Variants in TPP2 observed in about 807,000 individuals in gnomAD.
TPP2 encodes tripeptidyl peptidase 2, also known as tripeptidyl-peptidase 2.
Under a neutral mutation model 155.9 loss-of-function variants are expected in TPP2, and 34 were observed. The observed-to-expected ratio is 0.22, with a 90% CI of 0.17 to 0.29. The LOEUF (loss-of-function observed/expected upper bound fraction) is 0.29, where lower values mean the gene tolerates loss of function less well. Ranked by LOEUF, TPP2 falls within the 10% of genes least tolerant of loss-of-function variation. TPP2 has a pLI of 1.00. For synonymous variants in TPP2, 510 were observed against 529.4 expected (o/e 0.96, Z 0.50); for missense variants, 1,028 against 1,522.3 (o/e 0.68, Z 5.40).
rs117829727 is a variant in TPP2 at position 102,647,657 on chromosome 13, A to G, written c.2628+313A>G. Among the ~76,000 whole-genome samples, 11 of 152,252 alleles carry G rather than the reference A, an allele frequency of 7.2e-5. No individual in the cohort carries two copies. The East Asian group carries it at 2.1e-3, about 29-fold the overall frequency. ...CTGATTCTACCTATCTGAAGGTAGAATCATCAAAGCATGCATCAAAGAGAT... is the reference window on the plus strand; with the variant it reads ...CTGATTCTACCTATCTGAAGGTAGAGTCATCAAAGCATGCATCAAAGAGAT... On this transcript the variant is annotated intron_variant, in intron 21 of 29. Transcript: ENST00000376052.
intron 13 of TPP2, 63 bp downstream of exon 13, chr13:102,636,455 TA>T: frequency 1.3e-6 from 2 of 1,530,108 alleles, no homozygotes. Flanking sequence ...AGTGGTATCA[TA>T]ATAAAGAATT....
chr13:102,617,960 T>A (rs1435360313), intron 4 of TPP2, among the ~76,000 whole-genome samples: 1 of 152,200 alleles, frequency 6.6e-6, no homozygotes, highest in Admixed American at 6.5e-5. Context: ...TATAGTAACA[T>A]AGTCTAGAGA....
At chr13:102,613,542 A>C (rs1228346702) in intron 2 of TPP2, among the ~76,000 whole-genome samples, 2 of 152,236 alleles carry the variant, frequency 1.3e-5, no homozygotes, top group Admixed American at 1.3e-4. Context: ...CAGATGAAGT[A>C]GAAGCCTGTG....
chr13:102,598,002 C>T (rs1339918918), intron 1 of TPP2, among the ~76,000 whole-genome samples: 1 of 151,726 alleles, frequency 6.6e-6, no homozygotes, highest in Non-Finnish European at 1.5e-5. Context: ...AACCTGAAAA[C>T]ATACGACGGT....
intron 20 of TPP2, among the ~76,000 whole-genome samples, 154 bp from the exon 21 acceptor site, chr13:102,647,053 A>G (rs1883155711): frequency 6.6e-6 from 1 of 152,236 alleles, no homozygotes; most frequent in Non-Finnish European, 1.5e-5. Context: ...TATAAGTGCT[A>G]AAATACTGTG....
chr13:102,597,286 G>T, intron 1 of TPP2, 83 bp downstream of exon 1: 1 of 802,048 alleles, frequency 1.2e-6, no homozygotes, highest in Non-Finnish European at 1.7e-6. Flanking sequence ...AGCCCGGCAG[G>T]CCAAAGCCCC....
At chr13:102,674,542 CCT>C in intron 28 of TPP2, 52 bp downstream of exon 28, 1 of 1,572,196 alleles carries the variant, frequency 6.4e-7, no homozygotes, top group Non-Finnish European at 8.7e-7. Flanking sequence ...ACCTCACAGA[CCT>C]CTCTTGTGCC....
At chr13:102,610,797 CATACATAAA>C (rs771075858) in intron 2 of TPP2, among the ~76,000 whole-genome samples, 9 of 152,022 alleles carry the variant, frequency 5.9e-5, no homozygotes, top group East Asian at 1.9e-4. Flanking sequence ...GCAAAATATA[CATACATAAA>C]ATACATAAAA....
intron 2 of TPP2, 26 bp downstream of exon 2, chr13:102,604,947 ATT>A (rs111644256): frequency 1.3e-4 from 172 of 1,322,284 alleles, no homozygotes; most frequent in Admixed American, 9.3e-4. Context: ...TTCTTTTTGA[ATT>A]TTTTTTTTTT....
At chr13:102,677,251 T>C (rs1004504531) in intron 29 of TPP2, among the ~76,000 whole-genome samples, 2 of 152,178 alleles carry the variant, frequency 1.3e-5, no homozygotes, top group South Asian at 2.1e-4. Flanking sequence ...GGTGTTGATA[T>C]GTCTAATGTG....
intron 2 of TPP2, chr13:102,608,022 A>T (rs1418176894): frequency 1.3e-5 from 2 of 152,490 alleles, no homozygotes; most frequent in Admixed American, 6.5e-5. Flanking sequence ...CAAAAAAATT[A>T]TAAGGTTTGT....
At position 102,657,207 on chromosome 13, in the gene TPP2, AG is replaced by A; in HGVS notation, c.3143+1del. On this transcript the variant is annotated splice_donor_variant, in intron 25 of 29. Coordinates refer to ENST00000376052, the MANE Select transcript of TPP2 (RefSeq NM_001330588.2). LOFTEE classifies it high-confidence loss of function. ...GATCTTAAAATTCAGTGGATGACAA[AG>A]TAGGTTTTTAAATGTATTTTAATTC... The A allele has an allele frequency of 6.4e-7, 1 of 1,567,328 alleles. No homozygotes were observed. Among genetic ancestry groups the A allele is most frequent in the Non-Finnish European group, 8.6e-7 (1 of 1,166,560 alleles).
At chr13:102,660,788 G>C (rs547204872) in intron 25 of TPP2, among the ~76,000 whole-genome samples, 35 of 152,306 alleles carry the variant, frequency 2.3e-4, no homozygotes, top group African/African-American at 8.2e-4. Flanking sequence ...GACATATATA[G>C]ATCAGTGGAA....
At chr13:102,629,374 G>A in intron 8 of TPP2, 108 bp from the exon 9 acceptor site, 1 of 1,287,292 alleles carries the variant, frequency 7.8e-7, no homozygotes, top group Non-Finnish European at 1.0e-6. Flanking sequence ...CACCAAGGGT[G>A]GATGTACCAA....
At position 102,626,994 on chromosome 13, in the gene TPP2, C is replaced by T; in HGVS notation, c.785-18C>T. ...TCCATGAGAATGTTTTGTCATTTCC[C>T]CACCTTTGTGTCTCTAGGAGCTCAT... is the stretch of plus-strand genomic sequence containing the variant. On this transcript the variant is annotated intron_variant, in intron 6 of 29. Transcript: ENST00000376052. 2 of 1,505,046 alleles carry T rather than the reference C, an allele frequency of 1.3e-6. No individual in the cohort carries two copies. Among genetic ancestry groups the T allele is most frequent in the Non-Finnish European group, 8.9e-7 (1 of 1,128,004 alleles). The allele number at this position is 1,505,046 out of a possible 1,614,324, so 93.2% of individuals were successfully genotyped here.
rs1221147915 is a variant in TPP2, at chr13:102,663,655, T to C, written c.3151T>C (p.Ser1051Pro). The change falls in exon 26 of 30, where the codon TCT becomes CCT. Residue 1051 changes from serine (S) to proline (P), a missense_variant. This residue lies in a region of TPP2 where 179 missense variants were observed against 274.7 expected (regional missense o/e 0.65). Coordinates refer to ENST00000376052, the MANE Select transcript of TPP2 (RefSeq NM_001330588.2). ...TCCTTCTTACATACATAGGCTGGAT[T>C]CTAGTGACATTTATAACGAATTGAA... ...LKIQWMTKLD[S>P]SDIYNELKET... is the part of the protein sequence containing the mutation. 6.3e-7 allele frequency: 1 copy of C among 1,599,418 alleles called. No homozygotes were observed. Among genetic ancestry groups the C allele is most frequent in the Non-Finnish European group, 8.5e-7 (1 of 1,175,176 alleles).
intron 11 of TPP2, among the ~76,000 whole-genome samples, chr13:102,634,675 C>T (rs1018342519): frequency 3.9e-5 from 6 of 152,148 alleles, no homozygotes; most frequent in Non-Finnish European, 8.8e-5. Flanking sequence ...TTCTGCTCAC[C>T]ACATCTCCTC....
At chr13:102,634,947 G>C (rs1882272577) in intron 11 of TPP2, among the ~76,000 whole-genome samples, 1 of 152,208 alleles carries the variant, frequency 6.6e-6, no homozygotes, top group African/African-American at 2.4e-5. Flanking sequence ...CGGCTTATCT[G>C]TCAGTTCCTC....
rs2274462 is a variant in TPP2 at position 102,634,104 on chromosome 13, C to T, written c.1393+6C>T. The stretch of plus-strand genomic sequence containing the variant: ...CATTGCCCTGATCCTTTCAGGTAAG[C>T]GTGTTCTTTATTGTCCTTACATTAT... On this transcript the variant is annotated splice_donor_region_variant and intron_variant, in intron 11 of 29. Coordinates refer to ENST00000376052, the MANE Select transcript of TPP2 (RefSeq NM_001330588.2). 1.2e-5 allele frequency: 20 copies of T among 1,613,774 alleles called. No homozygotes were observed. The highest frequency in any genetic ancestry group is 1.2e-4 in the South Asian group (11 of 91,070).
Sources: gnomAD v4.1 joint callset for allele counts (sites outside exome capture counted in the v4.1 genomes callset) on GRCh38, gnomAD v4.1.1 for gene constraint, gnomAD v4.1.1 regional missense constraint, MANE v1.5 for transcripts, NCBI Gene and HGNC (gene_info 2026-07-23, HGNC 2026-07-21) for gene names.